SLC9A8: variants seen among roughly 807,000 people sequenced by gnomAD.
SLC9A8 encodes solute carrier family 9 member A8.
A neutral mutation model predicts 66.6 loss-of-function variants in SLC9A8; 48 were observed. The observed-to-expected ratio is 0.72, with a 90% CI of 0.57 to 0.92. The LOEUF is 0.92. SLC9A8 is among the 40% of genes least tolerant of loss of function. SLC9A8 has a pLI of 0.00. For missense variants in SLC9A8, 599 were observed against 747.3 expected, an observed-to-expected ratio of 0.80 and a Z score of 2.31; for synonymous variants, 274 against 282.6, an observed-to-expected ratio of 0.97 and a Z score of 0.31.
chr20:49,887,904 G>A lies in SLC9A8; in HGVS notation c.1714G>A (p.Gly572Ser), dbSNP rs150389961. The stretch of plus-strand genomic sequence containing the variant: ...CGAGGAGGTACGCCAGGGCCCCTCC[G>A]GCTCCGAGGACGACGAGCAGGAGCT... ...WYEEVRQGPS[G>S]SEDDEQELL Residue 572 changes from glycine to serine, a missense_variant, in exon 16 of 16, where the codon GGC (glycine) becomes AGC (serine). This residue lies in a region of SLC9A8 where 467 missense variants were observed against 626.5 expected (regional missense o/e 0.75). Coordinates refer to ENST00000361573, the MANE Select transcript of SLC9A8 (RefSeq NM_015266.3). 2 of 1,613,812 alleles carry A rather than the reference G, an allele frequency of 1.2e-6. No individual in the cohort carries two copies. Among genetic ancestry groups the A allele is most frequent in the South Asian group, 1.1e-5 (1 of 91,038 alleles).
chr20:49,873,260 A>G (rs1470177530), intron 10 of SLC9A8, among the ~76,000 whole-genome samples: 1 of 151,848 alleles, frequency 6.6e-6, no homozygotes, highest in Non-Finnish European at 1.5e-5. Context: ...GGCAGGTTGG[A>G]TTGCTTGAGC....
chr20:49,815,458 G>C (rs1267678498), intron 2 of SLC9A8: 1 of 294,794 alleles, frequency 3.4e-6, no homozygotes, highest in East Asian at 5.6e-5. Flanking sequence ...GGCCTAGAAA[G>C]AATCTTGAGG....
chr20:49,877,894 CTG>C, intron 11 of SLC9A8, 85 bp from the exon 12 acceptor site: 2 of 853,674 alleles, frequency 2.3e-6, no homozygotes, highest in Non-Finnish European at 3.6e-6. Context: ...TGGATTCTGA[CTG>C]TGAATGTTTG....
Position 49,878,031 on chromosome 20 carries a change from A to G in SLC9A8, c.1126A>G (p.Lys376Glu). The change falls in exon 12 of 16, where the codon AAG (lysine) becomes GAG (glutamate). Residue 376 changes from lysine to glutamate, a missense_variant. Transcript: ENST00000361573. ...LGLSIFSFPH[K>E]FEISFVIWCI... is the part of the protein sequence containing the mutation. Reference sequence around the variant, plus strand: ...CCTGTCCATTTTTAGTTTTCCTCACAAGTTTGAAATTTCCTTTGTCATCTG... The same window carrying G: ...CCTGTCCATTTTTAGTTTTCCTCACGAGTTTGAAATTTCCTTTGTCATCTG... 5 of 1,602,794 alleles carry G rather than the reference A, an allele frequency of 3.1e-6. No individual in the cohort carries two copies. Among genetic ancestry groups the G allele is most frequent in the Non-Finnish European group, 4.2e-6 (5 of 1,177,260 alleles).
intron 10 of SLC9A8, among the ~76,000 whole-genome samples, chr20:49,865,777 G>A (rs2088937179): frequency 6.6e-6 from 1 of 152,192 alleles, no homozygotes; most frequent in Non-Finnish European, 1.5e-5. Context: ...ACCTGAAAAT[G>A]GAGCGTGACT....
chr20:49,855,680 C>A, intron 8 of SLC9A8, 99 bp downstream of exon 8: 1 of 1,173,750 alleles, frequency 8.5e-7, no homozygotes, highest in Non-Finnish European at 1.2e-6. Context: ...TGTACAGTTG[C>A]TTGTCCTCTG....
At chr20:49,821,318 G>A (rs1257885350) in intron 2 of SLC9A8, among the ~76,000 whole-genome samples, 5 of 152,172 alleles carry the variant, frequency 3.3e-5, no homozygotes, top group Middle Eastern at 3.4e-3. Context: ...CTTATTTGCC[G>A]TTTTTTGTTT....
intron 6 of SLC9A8, 88 bp from the exon 7 acceptor site, chr20:49,850,722 T>C: frequency 6.6e-7 from 1 of 1,525,716 alleles, no homozygotes. Context: ...TTAGTTTTAA[T>C]AAAGCACTAA....
intron 5 of SLC9A8, among the ~76,000 whole-genome samples, chr20:49,847,501 A>G (rs1291901773): frequency 6.6e-6 from 1 of 151,722 alleles, no homozygotes; most frequent in Non-Finnish European, 1.5e-5. Context: ...GACAATTTAT[A>G]TGAAAGGGAC....
intron 3 of SLC9A8, among the ~76,000 whole-genome samples, chr20:49,832,211 C>T (rs1228460474): frequency 6.6e-6 from 1 of 152,140 alleles, no homozygotes; most frequent in Non-Finnish European, 1.5e-5. Flanking sequence ...CCTTCTTTGG[C>T]CCAGACCCAG....
intron 5 of SLC9A8, among the ~76,000 whole-genome samples, chr20:49,846,140 C>T (rs1395999203): frequency 1.3e-5 from 2 of 152,142 alleles, no homozygotes; most frequent in Admixed American, 1.3e-4. Flanking sequence ...CACTCGTCCC[C>T]TAGTGTGAGT....
chr20:49,863,882 C>A (rs138029522), intron 9 of SLC9A8: 7 of 152,210 alleles, frequency 4.6e-5, no homozygotes. Flanking sequence ...CACAGATGGC[C>A]GGAAGAGACT....
In SLC9A8 at chr20:49,845,067, TC is replaced by T; in HGVS notation, c.382del (p.Leu128SerfsTer41). ...GAAATGTTTCGTCCAAACATGTTTT[TC>T]CTCCTCCTGCTTCCCCCTATTATCT... ...EEEMFRPNMF[F>X]LLLLPPIIFE... is the part of the protein sequence containing the mutation. On this transcript the variant is annotated frameshift_variant, in exon 5 of 16. Transcript: ENST00000361573. LOFTEE classifies it high-confidence loss of function. 1 of 1,613,518 alleles carries T rather than the reference TC, an allele frequency of 6.2e-7. No individual in the cohort carries two copies. The highest frequency in any genetic ancestry group is 8.5e-7 in the Non-Finnish European group (1 of 1,179,410).
Position 49,863,029 on chromosome 20 carries a change from G to A in SLC9A8, c.814G>A (p.Ala272Thr). ...DYFLKMFFGS[A>T]ALGTLTGLIS... ...CTTCCTCAAAATGTTCTTTGGCTCT[G>A]CAGCGCTCGGCACTCTCACTGGCTT... Residue 272 changes from alanine (A) to threonine (T), a missense_variant, in exon 9 of 16, where the codon GCA becomes ACA. Ala to Thr is a moderately conservative substitution (Grantham distance 58). Around this residue, in one of 2 missense-constraint regions of SLC9A8, gnomAD observed 467 missense variants for 626.5 expected, o/e 0.75. Coordinates refer to ENST00000361573, the MANE Select transcript of SLC9A8 (RefSeq NM_015266.3). 1 of 1,613,916 alleles carries A rather than the reference G, an allele frequency of 6.2e-7. No homozygotes were observed. Among genetic ancestry groups the A allele is most frequent in the Non-Finnish European group, 8.5e-7 (1 of 1,179,896 alleles).
intron 10 of SLC9A8, among the ~76,000 whole-genome samples, chr20:49,865,782 G>A (rs1307470900): frequency 1.3e-5 from 2 of 152,192 alleles, no homozygotes; most frequent in African/African-American, 2.4e-5. Context: ...AAAATGGAGC[G>A]TGACTCACCC....
intron 5 of SLC9A8, among the ~76,000 whole-genome samples, chr20:49,846,970 AAAAT>A (rs1294253483): frequency 3.3e-5 from 5 of 152,334 alleles, no homozygotes; most frequent in Admixed American, 6.5e-5. Context: ...GACATGGTAT[AAAAT>A]AAATAAATAC....
At chr20:49,830,419 T>G (rs756307236) in intron 3 of SLC9A8, 4 of 835,116 alleles carry the variant, frequency 4.8e-6, no homozygotes, top group Non-Finnish European at 8.4e-6. Context: ...GCCCGTGTGT[T>G]GGATCCCAAG....
chr20:49,834,411 ATATATACTG>A lies in SLC9A8; in HGVS notation c.290-5123_290-5115del, dbSNP rs368838838. ...GTGTATATATATATACTGTGTATAT[ATATATACTG>A]TATATATATACTGTATATATATATA... On this transcript the variant is annotated intron_variant, in intron 3 of 15. Transcript: ENST00000361573. 5.5e-4 allele frequency among the ~76,000 whole-genome samples: 25 copies of A among 45,568 alleles called. 1 individual carries two copies. Among genetic ancestry groups the A allele is most frequent in the Admixed American group, 8.4e-4 (4 of 4,736 alleles). 29.9% of individuals were successfully genotyped at this position (45,568 alleles called of 152,430 possible).
Position 49,849,569 on chromosome 20 carries a change from T to C in SLC9A8, c.433-10T>C. On this transcript the variant is annotated splice_polypyrimidine_tract_variant and intron_variant, in intron 5 of 15. Coordinates refer to ENST00000361573, the MANE Select transcript of SLC9A8 (RefSeq NM_015266.3). ...CTAATCATTTCCCTGATTTCTGCTC[T>C]TTCAAACAGGGTAACTTCTTTCAAA... The C allele has an allele frequency of 6.2e-7, 1 of 1,606,282 alleles. No homozygotes were observed. Among genetic ancestry groups the C allele is most frequent in the Non-Finnish European group, 8.5e-7 (1 of 1,173,048 alleles).
Sources: gnomAD v4.1 joint callset for allele counts (sites outside exome capture counted in the v4.1 genomes callset) on GRCh38, gnomAD v4.1.1 for gene constraint, gnomAD v4.1.1 regional missense constraint, MANE v1.5 for transcripts, NCBI Gene and HGNC (gene_info 2026-07-23, HGNC 2026-07-21) for gene names.